CPE: variants seen among roughly 807,000 people sequenced by gnomAD.
CPE encodes carboxypeptidase E.
CPE carries 17 observed loss-of-function variants against 53.5 expected under a neutral mutation model. The ratio of observed to expected loss-of-function variants is 0.32; its 90% confidence interval spans 0.22 to 0.48. The LOEUF (loss-of-function observed/expected upper bound fraction) is 0.48. Ranked by LOEUF, CPE falls within the 20% of genes least tolerant of loss-of-function variation. CPE has a pLI of 0.99. For synonymous variants in CPE, 226 were observed against 228.8 expected, an observed-to-expected ratio of 0.99 and a Z score of 0.11; for missense variants, 524 against 614.7, an observed-to-expected ratio of 0.85 and a Z score of 1.56.
At chr4:165,493,545 T>G (rs985041367) in intron 7 of CPE, among the ~76,000 whole-genome samples, 2 of 152,144 alleles carry the variant, frequency 1.3e-5, no homozygotes, top group East Asian at 3.9e-4. Flanking sequence ...TGCCACAGGC[T>G]GCCGATTCTT....
chr4:165,434,464 C>A (rs576381234), intron 1 of CPE, among the ~76,000 whole-genome samples: 39 of 152,278 alleles, frequency 2.6e-4, no homozygotes, highest in African/African-American at 8.4e-4. Flanking sequence ...GGTTGAACCA[C>A]ATGAAACTAC....
chr4:165,469,621 C>T (rs1272010804), intron 3 of CPE, among the ~76,000 whole-genome samples: 1 of 152,282 alleles, frequency 6.6e-6, no homozygotes, highest in Admixed American at 6.5e-5. Flanking sequence ...TCTTTTTTCA[C>T]ATGTTCTTCA....
At chr4:165,492,500 T>TTTA (rs1383287568) in intron 6 of CPE, among the ~76,000 whole-genome samples, 1 of 152,110 alleles carries the variant, frequency 6.6e-6, no homozygotes, top group Non-Finnish European at 1.5e-5. Context: ...AAGGAAGGGC[T>TTTA]TTATTATTCA....
intron 1 of CPE, among the ~76,000 whole-genome samples, chr4:165,449,966 A>C (rs1046113428): frequency 1.3e-5 from 2 of 152,180 alleles, no homozygotes; most frequent in African/African-American, 4.8e-5. Flanking sequence ...CTTTAAAAGA[A>C]TCATGAACTT....
At chr4:165,410,318 G>A (rs1039018508) in intron 1 of CPE, among the ~76,000 whole-genome samples, 5 of 151,378 alleles carry the variant, frequency 3.3e-5, no homozygotes, top group African/African-American at 1.2e-4. Context: ...TTATAAAAGA[G>A]TAAAAAAATC....
chr4:165,472,428 G>T (rs1259145979), intron 3 of CPE, among the ~76,000 whole-genome samples: 1 of 111,632 alleles, frequency 9.0e-6, no homozygotes, highest in African/African-American at 2.7e-5. Context: ...AAGAAAATTT[G>T]TTATTTCTGT....
chr4:165,425,940 T>C (rs1205050345), intron 1 of CPE, among the ~76,000 whole-genome samples: 1 of 152,190 alleles, frequency 6.6e-6, no homozygotes, highest in African/African-American at 2.4e-5. Flanking sequence ...GCCATGGTTA[T>C]ACCTGTGTAG....
chr4:165,451,390 G>C (rs1301415608), intron 1 of CPE, among the ~76,000 whole-genome samples: 1 of 152,076 alleles, frequency 6.6e-6, no homozygotes, highest in Non-Finnish European at 1.5e-5. Flanking sequence ...CCATTTATTA[G>C]CTACCCACTA....
At chr4:165,388,283 C>A (rs1214496954) in intron 1 of CPE, among the ~76,000 whole-genome samples, 2 of 152,150 alleles carry the variant, frequency 1.3e-5, no homozygotes, top group Non-Finnish European at 2.9e-5. Context: ...CTTGAATACC[C>A]TTTTTCCTTT....
chr4:165,481,016 A>ATATATAT (rs1491161430), intron 3 of CPE, among the ~76,000 whole-genome samples: 4 of 111,040 alleles, frequency 3.6e-5, no homozygotes, highest in Admixed American at 9.5e-5. Flanking sequence ...ATATATATAT[A>ATATATAT]TTTTTTTTTT....
rs1732695582 is a variant in CPE, at chr4:165,495,689, T to C, written c.1332+12T>C. ...GCCCTGCTGCTGGGGTAAGTAATCA[T>C]AATAATAGCCAAACGCTATAATAAT... On this transcript the variant is annotated intron_variant, in intron 8 of 8. Coordinates refer to ENST00000402744, the MANE Select transcript of CPE (RefSeq NM_001873.4). 1.3e-6 allele frequency: 2 copies of C among 1,513,968 alleles called. No individual in the cohort carries two copies. The highest frequency in any genetic ancestry group is 1.8e-5 in the Admixed American group (1 of 56,942). The allele number at this position is 1,513,968 out of a possible 1,614,324, so 93.8% of individuals were successfully genotyped here.
At chr4:165,404,810 T>C in intron 1 of CPE, 1 of 770,078 alleles carries the variant, frequency 1.3e-6, no homozygotes, top group Non-Finnish European at 2.4e-6. Context: ...TTTGGAAGTC[T>C]TCTTGGTTGT....
intron 5 of CPE, among the ~76,000 whole-genome samples, chr4:165,487,096 T>A (rs901383019): frequency 6.6e-6 from 1 of 152,192 alleles, no homozygotes; most frequent in Admixed American, 6.5e-5. Flanking sequence ...TAGAGGGATG[T>A]GCATTTCTTT....
Position 165,379,929 on chromosome 4 carries a change from C to T in CPE, c.307+401C>T, listed in dbSNP as rs981277688. ...AAAACCCAAAGGAATGATTGCGAGT[C>T]CCCCGCAAGGGGGGTTGGTCTTCCT... is the stretch of plus-strand genomic sequence containing the variant. On this transcript the variant is annotated intron_variant, in intron 1 of 8. Transcript: ENST00000402744. The surrounding 1 kb of genome is among the most constrained non-coding windows in gnomAD (Gnocchi z 6.0). 1.3e-5 allele frequency among the ~76,000 whole-genome samples: 2 copies of T among 152,338 alleles called. No individual in the cohort carries two copies. The highest frequency in any genetic ancestry group is 3.9e-4 in the East Asian group (2 of 5,182).
At chr4:165,416,311 C>T (rs1009812246) in intron 1 of CPE, among the ~76,000 whole-genome samples, 1 of 152,166 alleles carries the variant, frequency 6.6e-6, no homozygotes, top group African/African-American at 2.4e-5. Context: ...TCACCTGCCC[C>T]TCTGGGGGCT....
chr4:165,470,305 CCT>C (rs1732182972), intron 3 of CPE, among the ~76,000 whole-genome samples: 1 of 152,100 alleles, frequency 6.6e-6, no homozygotes, highest in Admixed American at 6.6e-5. Flanking sequence ...TGTCTTTTCC[CCT>C]GATTCTTCCC....
chr4:165,441,505 G>T (rs1383537678), intron 1 of CPE, among the ~76,000 whole-genome samples: 3 of 152,134 alleles, frequency 2.0e-5, no homozygotes, highest in Non-Finnish European at 4.4e-5. Flanking sequence ...CAGCTTCATA[G>T]ACTCGCTAAC....
intron 1 of CPE, among the ~76,000 whole-genome samples, chr4:165,431,817 A>C (rs1731413188): frequency 6.6e-6 from 1 of 152,146 alleles, no homozygotes; most frequent in Non-Finnish European, 1.5e-5. Flanking sequence ...AAAATAGCTA[A>C]ATGTATGAGA....
At chr4:165,423,811 A>G (rs1197792307) in intron 1 of CPE, among the ~76,000 whole-genome samples, 2 of 115,222 alleles carry the variant, frequency 1.7e-5, no homozygotes, top group Non-Finnish European at 3.4e-5. Flanking sequence ...ACCCCACAAC[A>G]GTCCTCAGAG....
Sources: allele counts gnomAD v4.1 joint callset (sites outside exome capture counted in the v4.1 genomes callset), GRCh38; gene constraint gnomAD v4.1.1; non-coding constraint Gnocchi (gnomAD v3.1); transcripts MANE v1.5; gene names NCBI Gene and HGNC (gene_info 2026-07-23, HGNC 2026-07-21).